The following USP33 variants were observed in gnomAD, a reference collection of about 807,000 sequenced individuals.
USP33 encodes the protein ubiquitin carboxyl-terminal hydrolase 33.
A neutral mutation model predicts 124.2 loss-of-function variants in USP33; 46 were observed. That is an observed-to-expected ratio of 0.37 (90% CI 0.29 to 0.47). The LOEUF is 0.47. Ranked by LOEUF, USP33 falls within the 20% of genes least tolerant of loss-of-function variation. The pLI is 0.99. For missense variants in USP33, 851 were observed against 1,070.6 expected (o/e 0.79, Z 2.86); for synonymous variants, 350 against 352.3 (o/e 0.99, Z 0.07).
intron 1 of USP33, among the ~76,000 whole-genome samples, chr1:77,751,308 T>C (rs1036523332): frequency 2.0e-5 from 3 of 152,218 alleles, no homozygotes; most frequent in African/African-American, 7.2e-5. Flanking sequence ...TCACGCTCTA[T>C]GATGTACAGC....
chr1:77,737,674 T>C (rs1678635114), intron 5 of USP33, among the ~76,000 whole-genome samples: 1 of 152,234 alleles, frequency 6.6e-6, no homozygotes, highest in Non-Finnish European at 1.5e-5. Context: ...TTAACATATT[T>C]ACAAGTCATC....
rs150394301 is a variant in USP33 at position 77,742,500 on chromosome 1, T to C, written c.-51-752A>G. ...TCCAGGTTTGAGAACCCCATTTTCA[T>C]GATCTTTACAACCCCTGAAATAGGC... On this transcript the variant is annotated intron_variant, in intron 1 of 23. Coordinates refer to ENST00000370794, the MANE Select transcript of USP33 (RefSeq NM_201624.3). Among the ~76,000 whole-genome samples the C allele has an allele frequency of 1.5e-3, 222 of 152,316 alleles. 2 individuals are homozygous for C. The highest frequency in any genetic ancestry group is 5.1e-3 in the African/African-American group (212 of 41,566).
At chr1:77,719,857 A>G (rs1302244065) in intron 15 of USP33, among the ~76,000 whole-genome samples, 1 of 51,604 alleles carries the variant, frequency 1.9e-5, no homozygotes, top group East Asian at 5.4e-4. Flanking sequence ...CCCTCTCAAG[A>G]AAAAAAAAAA....
Position 77,697,383 on chromosome 1 carries a change from A to C in USP33, c.2670T>G (p.Val890=). The C allele has an allele frequency of 6.2e-7, 1 of 1,613,172 alleles. No individual in the cohort carries two copies. Among genetic ancestry groups the C allele is most frequent in the Non-Finnish European group, 8.5e-7 (1 of 1,179,848 alleles). ...GGPEVILRPP[V]VHVDPDILQA... ...GAAGTATATCTGGATCAACATGAACAACCGGAGGTCGCAGGATAACTTCAG... is the reference window on the plus strand; with the variant it reads ...GAAGTATATCTGGATCAACATGAACCACCGGAGGTCGCAGGATAACTTCAG... The change falls in exon 24 of 24, where the codon GTT becomes GTG. Residue 890 remains valine, a synonymous_variant. Transcript: ENST00000370794.
rs773156887 is a variant in USP33 at position 77,739,272 on chromosome 1, C to G, written c.344G>C (p.Ser115Thr). 12 of 1,611,190 alleles carry G rather than the reference C, an allele frequency of 7.4e-6. No individual in the cohort carries two copies. Among genetic ancestry groups the G allele is most frequent in the Non-Finnish European group, 1.0e-5 (12 of 1,179,082 alleles). Residue 115 changes from serine (S) to threonine (T), a missense_variant, in exon 5 of 24, where the codon AGT (serine) becomes ACT (threonine). Coordinates refer to ENST00000370794, the MANE Select transcript of USP33 (RefSeq NM_201624.3). ...VRQPHQIQENSVQDFKIPSNT... is the reference protein window; with the variant it reads ...VRQPHQIQENTVQDFKIPSNT... The stretch of plus-strand genomic sequence containing the variant: ...GTGGATCTAGATTATTACCTGGACA[C>G]TGTTTTCTTGTATTTGGTGAGGTTG...
chr1:77,742,631 ATTTGG>A (rs1445031287), intron 1 of USP33, among the ~76,000 whole-genome samples: 1 of 152,166 alleles, frequency 6.6e-6, no homozygotes, highest in Admixed American at 6.5e-5. Context: ...CTCAAGTCTA[ATTTGG>A]TATTCCTAGA....
intron 21 of USP33, 185 bp downstream of exon 21, chr1:77,711,560 CAA>C (rs1291294555): frequency 1.1e-5 from 8 of 756,028 alleles, no homozygotes; most frequent in Non-Finnish European, 1.5e-5. Context: ...CACACACACA[CAA>C]AGGGAGAACA....
At chr1:77,737,041 TA>T (rs966769057) in intron 5 of USP33, among the ~76,000 whole-genome samples, 15 of 144,806 alleles carry the variant, frequency 1.0e-4, no homozygotes, top group South Asian at 2.2e-4. Flanking sequence ...GTAAACACTT[TA>T]AAAAAAAAAA....
At chr1:77,739,126 G>C (rs956226345) in intron 5 of USP33, 139 bp downstream of exon 5, 1 of 987,298 alleles carries the variant, frequency 1.0e-6, no homozygotes. Flanking sequence ...TGCTTTATTT[G>C]AGAGAAAAAA....
chr1:77,720,891 G>C (rs1676492033), intron 15 of USP33, among the ~76,000 whole-genome samples: 1 of 152,076 alleles, frequency 6.6e-6, no homozygotes, highest in South Asian at 2.1e-4. Flanking sequence ...TGGTAATTCA[G>C]AAGAAAATAT....
intron 20 of USP33, among the ~76,000 whole-genome samples, chr1:77,712,588 G>A (rs1198489151): frequency 6.6e-6 from 1 of 152,112 alleles, no homozygotes; most frequent in Non-Finnish European, 1.5e-5. Context: ...CCAATACTTT[G>A]GACTTTGGGA....
intron 1 of USP33, among the ~76,000 whole-genome samples, chr1:77,748,324 A>C (rs1308194318): frequency 6.6e-6 from 1 of 152,178 alleles, no homozygotes; most frequent in Non-Finnish European, 1.5e-5. Flanking sequence ...AATGCTCTTG[A>C]CATTTAGGAT....
chr1:77,718,092 C>A (rs1263950809), intron 16 of USP33, 45 bp from the exon 17 acceptor site: 16 of 1,496,944 alleles, frequency 1.1e-5, no homozygotes, highest in African/African-American at 4.2e-5. Context: ...ATACAGAAAA[C>A]AAAAAGCATT....
At chr1:77,735,982 A>C (rs576423499) in intron 6 of USP33, 74 bp downstream of exon 6, 5 of 1,110,128 alleles carry the variant, frequency 4.5e-6, no homozygotes, top group Non-Finnish European at 4.9e-6. Flanking sequence ...CACATTTTGA[A>C]ACTTTTACAT....
intron 21 of USP33, among the ~76,000 whole-genome samples, chr1:77,704,609 T>C (rs2101195263): frequency 6.6e-6 from 1 of 152,280 alleles, no homozygotes; most frequent in Non-Finnish European, 1.5e-5. Flanking sequence ...TTTTAAAAAA[T>C]ACATAATAGA....
chr1:77,735,960 C>A, intron 6 of USP33, 96 bp downstream of exon 6: 1 of 855,042 alleles, frequency 1.2e-6, no homozygotes, highest in Non-Finnish European at 1.7e-6. Flanking sequence ...ATTATCAAGC[C>A]CATTTTACCT....
intron 11 of USP33, 37 bp downstream of exon 11, chr1:77,725,585 C>A: frequency 6.3e-7 from 1 of 1,596,612 alleles, no homozygotes; most frequent in Admixed American, 1.8e-5. Flanking sequence ...AAACTAAGAC[C>A]CAAAGCAAAA....
At chr1:77,755,635 T>C (rs1490901810) in intron 1 of USP33, among the ~76,000 whole-genome samples, 1 of 152,120 alleles carries the variant, frequency 6.6e-6, no homozygotes, top group Admixed American at 6.5e-5. Flanking sequence ...GAGGTGGAGG[T>C]TGCAGTGAGC....
At position 77,740,861 on chromosome 1, in the gene USP33, T is replaced by G; in HGVS notation, c.198+16A>C. 6.5e-7 allele frequency: 1 copy of G among 1,545,700 alleles called. No homozygotes were observed. The highest frequency in any genetic ancestry group is 1.2e-5 in the South Asian group (1 of 82,912). Reference sequence around the variant, plus strand: ...TTTTTTTAACAAGTCTTCCATTAAATTTTTTATATACATACCTGAGAATGT... The same window carrying G: ...TTTTTTTAACAAGTCTTCCATTAAAGTTTTTATATACATACCTGAGAATGT... On this transcript the variant is annotated intron_variant, in intron 4 of 23. Coordinates refer to ENST00000370794, the MANE Select transcript of USP33 (RefSeq NM_201624.3).
Sources: gnomAD v4.1 joint callset for allele counts (sites outside exome capture counted in the v4.1 genomes callset) on GRCh38, gnomAD v4.1.1 for gene constraint, MANE v1.5 for transcripts, NCBI Gene and HGNC (gene_info 2026-07-23, HGNC 2026-07-21) for gene names.